Variants in ZNRF1 observed in about 807,000 individuals in gnomAD.
The protein encoded by ZNRF1 is zinc and ring finger 1, also known as E3 ubiquitin-protein ligase ZNRF1.
A neutral mutation model predicts 18.4 loss-of-function variants in ZNRF1; 3 were observed. That is an observed-to-expected ratio of 0.16 (90% CI 0.07 to 0.42). ZNRF1 has a LOEUF of 0.42. Among genes scored for constraint, ZNRF1 ranks in the 10% least tolerant of loss-of-function variants. The pLI, the probability that ZNRF1 is intolerant of heterozygous loss-of-function variation, is 0.99. For synonymous variants in ZNRF1, 157 were observed against 144.2 expected (o/e 1.09, Z -0.64); for missense variants, 310 against 329.8 (o/e 0.94, Z 0.47).
At chr16:75,038,219 C>G (rs2035399274) in intron 1 of ZNRF1, among the ~76,000 whole-genome samples, 1 of 152,184 alleles carries the variant, frequency 6.6e-6, no homozygotes, top group Non-Finnish European at 1.5e-5. Context: ...GATGGTTCTT[C>G]TCTATGTGAC....
In ZNRF1 at chr16:75,011,164, C is replaced by G. The variant is rs78986461; in HGVS notation, c.424+11069C>G. The stretch of plus-strand genomic sequence containing the variant: ...TAACCTTTTCCCTGTGGAGAAGGTG[C>G]CTTTTTTGGAGAGAGCCATTAAGAT... On this transcript the variant is annotated intron_variant, in intron 1 of 4. Coordinates refer to ENST00000335325, the MANE Select transcript of ZNRF1 (RefSeq NM_032268.5). 6.0e-3 allele frequency among the ~76,000 whole-genome samples: 914 copies of G among 152,308 alleles called. 5 individuals are homozygous for G. Among genetic ancestry groups the G allele is most frequent in the Non-Finnish European group, 0.011 (716 of 68,036 alleles).
intron 1 of ZNRF1, among the ~76,000 whole-genome samples, chr16:75,010,870 C>T (rs749272056): frequency 1.3e-5 from 2 of 152,036 alleles, no homozygotes; most frequent in Non-Finnish European, 2.9e-5. Context: ...GCCACCACAG[C>T]CGGCTAATTT....
intron 1 of ZNRF1, among the ~76,000 whole-genome samples, chr16:75,055,891 C>T (rs936213177): frequency 1.3e-5 from 2 of 152,200 alleles, no homozygotes; most frequent in African/African-American, 2.4e-5. Context: ...CCAAGAGGGT[C>T]TTCTAAGAAA....
At chr16:75,023,706 CA>C (rs543649185) in intron 1 of ZNRF1, among the ~76,000 whole-genome samples, 4 of 140,454 alleles carry the variant, frequency 2.8e-5, no homozygotes, top group African/African-American at 7.6e-5. Context: ...ACAAAAAAAA[CA>C]AAAAAAAAGG....
At chr16:75,027,874 T>A (rs1034847029) in intron 1 of ZNRF1, among the ~76,000 whole-genome samples, 1 of 152,172 alleles carries the variant, frequency 6.6e-6, no homozygotes, top group Admixed American at 6.5e-5. Context: ...GTTCCTTCAT[T>A]CTCCAGCCTC....
intron 1 of ZNRF1, among the ~76,000 whole-genome samples, chr16:75,036,187 C>T (rs1417657303): frequency 6.6e-6 from 1 of 152,224 alleles, no homozygotes. Flanking sequence ...CCTCCTACCT[C>T]AGCCTCCTGG....
At chr16:75,088,315 G>C (rs1228446632) in intron 1 of ZNRF1, among the ~76,000 whole-genome samples, 1 of 152,170 alleles carries the variant, frequency 6.6e-6, no homozygotes, top group African/African-American at 2.4e-5. Flanking sequence ...TGTTTTTTCT[G>C]TCCTTCTTAC....
At chr16:75,045,179 T>G (rs1264577023) in intron 1 of ZNRF1, among the ~76,000 whole-genome samples, 1 of 152,182 alleles carries the variant, frequency 6.6e-6, no homozygotes, top group Non-Finnish European at 1.5e-5. Context: ...TGTTTGTTTT[T>G]AATTTAACCC....
intron 2 of ZNRF1, chr16:75,104,428 C>A (rs1567496988): frequency 5.0e-6 from 1 of 201,934 alleles, no homozygotes; most frequent in Non-Finnish European, 1.0e-5. Context: ...AGCACACTGG[C>A]TACGTGTGTG....
chr16:75,020,343 A>G (rs187802571), intron 1 of ZNRF1, among the ~76,000 whole-genome samples: 8 of 151,968 alleles, frequency 5.3e-5, no homozygotes, highest in Admixed American at 2.0e-4. Flanking sequence ...TTTCCAGCCT[A>G]TTTTGAGACT....
chr16:75,094,200 G>A (rs1464071780), intron 2 of ZNRF1, among the ~76,000 whole-genome samples: 1 of 152,192 alleles, frequency 6.6e-6, no homozygotes. Flanking sequence ...AGCTTGACGG[G>A]GGACTATGTG....
chr16:75,023,694 AAAC>A (rs1368801920), intron 1 of ZNRF1, among the ~76,000 whole-genome samples: 1 of 114,576 alleles, frequency 8.7e-6, no homozygotes, highest in Non-Finnish European at 2.2e-5. Flanking sequence ...ACAAACAAAC[AAAC>A]AAAAAAAACA....
At chr16:75,002,976 A>G (rs2034871951) in intron 1 of ZNRF1, among the ~76,000 whole-genome samples, 1 of 152,028 alleles carries the variant, frequency 6.6e-6, no homozygotes, top group Non-Finnish European at 1.5e-5. Flanking sequence ...TTTTTGAGAC[A>G]GAGTTTCGCT....
intron 2 of ZNRF1, among the ~76,000 whole-genome samples, chr16:75,097,004 G>GTT (rs1272263793): frequency 6.6e-6 from 1 of 152,136 alleles, no homozygotes; most frequent in Non-Finnish European, 1.5e-5. Flanking sequence ...AGCACCGAAT[G>GTT]TTAAACCCCC....
At chr16:75,055,808 T>C (rs115296848) in intron 1 of ZNRF1, among the ~76,000 whole-genome samples, 451 of 152,346 alleles carry the variant, frequency 3.0e-3, no homozygotes, top group African/African-American at 0.01. Flanking sequence ...GGGGTAGTTA[T>C]TGCCTTTCCT....
rs75898757 is a variant in ZNRF1 at position 75,108,110 on chromosome 16, C to T, written c.*410C>T. ...CAGCCATAACCCACTCAGTGACAGA[C>T]GAACACAGCTAAGGCCTCGCTGCCA... On this transcript the variant is annotated 3_prime_UTR_variant, in exon 5 of 5. Transcript: ENST00000335325. 1.5e-3 allele frequency: 347 copies of T among 234,478 alleles called. 2 individuals are homozygous for T. Among genetic ancestry groups the T allele is most frequent in the East Asian group, 0.014 (90 of 6,574 alleles). 14.5% of individuals were successfully genotyped at this position (234,478 alleles called of 1,614,324 possible).
At chr16:75,010,019 G>C (rs939122931) in intron 1 of ZNRF1, among the ~76,000 whole-genome samples, 1 of 151,996 alleles carries the variant, frequency 6.6e-6, no homozygotes, top group Non-Finnish European at 1.5e-5. Context: ...GTTTTGCCCT[G>C]TTGCCCAGGC....
chr16:75,049,266 A>C (rs1025025239), intron 1 of ZNRF1, among the ~76,000 whole-genome samples: 4 of 152,022 alleles, frequency 2.6e-5, no homozygotes, highest in Admixed American at 6.5e-5. Flanking sequence ...TGGCCCCCCA[A>C]AGTGCTGGGA....
At chr16:75,075,644 A>G (rs894645870) in intron 1 of ZNRF1, among the ~76,000 whole-genome samples, 2 of 152,240 alleles carry the variant, frequency 1.3e-5, no homozygotes, top group Non-Finnish European at 2.9e-5. Context: ...AGAGCCCATC[A>G]TATGCCAGGC....
Sources: allele counts gnomAD v4.1 joint callset (sites outside exome capture counted in the v4.1 genomes callset), GRCh38; gene constraint gnomAD v4.1.1; transcripts MANE v1.5; gene names NCBI Gene and HGNC (gene_info 2026-07-23, HGNC 2026-07-21).